DIAPH2: variants seen among roughly 807,000 people sequenced by gnomAD.
DIAPH2 encodes diaphanous related formin 2, also known as protein diaphanous homolog 2.
In DIAPH2, 35 loss-of-function variants were observed where a neutral mutation model predicts 92.7. The observed-to-expected ratio is 0.38, with a 90% CI of 0.29 to 0.50. The LOEUF is 0.50. Among genes scored for constraint, DIAPH2 ranks in the 20% least tolerant of loss-of-function variants. The pLI, the probability that DIAPH2 is intolerant of heterozygous loss-of-function variation, is 0.94. For synonymous variants in DIAPH2, 301 were observed against 280.4 expected, an observed-to-expected ratio of 1.07 and a Z score of -0.73; for missense variants, 701 against 819.5, an observed-to-expected ratio of 0.86 and a Z score of 1.77.
At chrX:97,302,211 CAAAAAAA>C (rs35039257) in intron 23 of DIAPH2, among the ~76,000 whole-genome samples, 3 of 26,699 alleles carry the variant, frequency 1.1e-4, no homozygotes, top group Admixed American at 7.0e-4. Context: ...GACTCCATCT[CAAAAAAA>C]AAAAAAAAAA....
intron 11 of DIAPH2, among the ~76,000 whole-genome samples, chrX:96,938,478 G>T (rs141999931): frequency 3.6e-5 from 4 of 111,682 alleles, no homozygotes; most frequent in African/African-American, 1.3e-4. Context: ...GACCTCATGA[G>T]ACTTTAGCAC....
At chrX:97,266,788 AAC>A (rs1264886004) in intron 23 of DIAPH2, among the ~76,000 whole-genome samples, 1 of 112,163 alleles carries the variant, frequency 8.9e-6, no homozygotes, top group Admixed American at 9.5e-5. Context: ...TTTTTTGACT[AAC>A]ACATGCTTTT....
chrX:97,009,829 T>C (rs1366101375), intron 17 of DIAPH2, among the ~76,000 whole-genome samples: 1 of 111,846 alleles, frequency 8.9e-6, no homozygotes, highest in Non-Finnish European at 1.9e-5. Flanking sequence ...TCCTCTTTAC[T>C]CTTCCCTTTC....
chrX:97,313,499 ATTC>A (rs374386846), intron 23 of DIAPH2, among the ~76,000 whole-genome samples: 124 of 112,206 alleles, frequency 1.1e-3, no homozygotes, highest in African/African-American at 3.6e-3. Flanking sequence ...ATTTTATTAT[ATTC>A]TTTCATGACT....
intron 17 of DIAPH2, among the ~76,000 whole-genome samples, chrX:97,061,835 A>AAT (rs2066601088): frequency 1.0e-5 from 1 of 95,403 alleles, no homozygotes; most frequent in African/African-American, 3.8e-5. Context: ...AAAAAAAAAA[A>AAT]CGCTCATTTT....
intron 4 of DIAPH2, among the ~76,000 whole-genome samples, chrX:96,878,031 A>G (rs373309657): frequency 1.9e-4 from 21 of 112,159 alleles, no homozygotes; most frequent in African/African-American, 6.8e-4. Flanking sequence ...AATTTCCATT[A>G]TTACCCATCC....
At chrX:96,712,016 A>G (rs1477019298) in intron 1 of DIAPH2, among the ~76,000 whole-genome samples, 6 of 111,577 alleles carry the variant, frequency 5.4e-5, no homozygotes, top group Non-Finnish European at 1.1e-4. Context: ...AGAATATTGA[A>G]CTGTACTAAA....
chrX:97,168,601 T>C (rs2067429443), intron 22 of DIAPH2, among the ~76,000 whole-genome samples: 1 of 111,901 alleles, frequency 8.9e-6, no homozygotes, highest in African/African-American at 3.3e-5. Flanking sequence ...CCTAGACTCT[T>C]AGAGCTTACA....
rs3138310 is a variant in DIAPH2, at chrX:96,882,414, A to G, written c.587+696A>G. Reference sequence around the variant, plus strand: ...ATGTTCTTCTATAAGTTTTAGATATACTCTTCACATATTTCTGTAATTTTG... The same window carrying G: ...ATGTTCTTCTATAAGTTTTAGATATGCTCTTCACATATTTCTGTAATTTTG... On this transcript the variant is annotated intron_variant, in intron 5 of 26. Transcript: ENST00000324765. Among the ~76,000 whole-genome samples, 106 of 111,042 alleles carry G rather than the reference A, an allele frequency of 9.5e-4. No homozygotes were observed. The South Asian group carries it at 0.039, about 41-fold the overall frequency.
intron 25 of DIAPH2, among the ~76,000 whole-genome samples, chrX:97,405,902 T>C (rs1602566844): frequency 9.0e-6 from 1 of 111,548 alleles, no homozygotes; most frequent in East Asian, 2.8e-4. Context: ...TAGTTGATCA[T>C]TTTCTGGCTG....
rs2070214502 is a variant in DIAPH2 at position 97,438,360 on chromosome X, T to G, written c.3241+8615T>G. Reference sequence around the variant, plus strand: ...CTTGTTTTTTTTTTTTGTTTGTTTGTTTTTTTTTTTTTTTTTTTTTTTTGA... The same window carrying G: ...CTTGTTTTTTTTTTTTGTTTGTTTGGTTTTTTTTTTTTTTTTTTTTTTTGA... On this transcript the variant is annotated intron_variant, in intron 26 of 26. Transcript: ENST00000324765. Among the ~76,000 whole-genome samples, 3 of 62,016 alleles carry G rather than the reference T, an allele frequency of 4.8e-5. No homozygotes were observed. In the South Asian group the frequency reaches 2.5e-3, roughly 52 times the overall value. The allele number at this position is 62,016 out of a possible 115,157, so 53.9% of individuals were successfully genotyped here. A position where few individuals can be genotyped will look rare whatever the true frequency, so the allele number is the denominator to read the frequency against.
chrX:96,862,166 G>A (rs962567569), intron 4 of DIAPH2, among the ~76,000 whole-genome samples: 8 of 111,724 alleles, frequency 7.2e-5, no homozygotes, highest in African/African-American at 2.0e-4. Flanking sequence ...TACCATATCC[G>A]TAGAGTTAGC....
intron 26 of DIAPH2, among the ~76,000 whole-genome samples, chrX:97,585,253 CT>C (rs5903087): frequency 0.42 from 38,901 of 91,973 alleles, 7,358 homozygotes; most frequent in Non-Finnish European, 0.53. Context: ...GCTCCACTGA[CT>C]TTTTTTTTTT....
chrX:97,345,036 G>A (rs1395183660), intron 23 of DIAPH2, among the ~76,000 whole-genome samples: 3 of 111,851 alleles, frequency 2.7e-5, no homozygotes, highest in Non-Finnish European at 5.6e-5. Flanking sequence ...TTCATTCTTT[G>A]CTAAAAAATG....
intron 23 of DIAPH2, among the ~76,000 whole-genome samples, chrX:97,324,854 G>A (rs1006924237): frequency 9.0e-6 from 1 of 110,742 alleles, no homozygotes; most frequent in East Asian, 2.8e-4. Flanking sequence ...AGGCTGGAGT[G>A]CAGTGGCATG....
chrX:96,815,576 G>T (rs1185483712), intron 4 of DIAPH2, among the ~76,000 whole-genome samples: 1 of 112,417 alleles, frequency 8.9e-6, no homozygotes, highest in South Asian at 3.7e-4. Context: ...AGGTACCTCA[G>T]TTAGAAATGC....
At position 97,469,977 on chromosome X, in the gene DIAPH2, A is replaced by T. The variant is rs190609113; in HGVS notation, c.3241+40232A>T. On this transcript the variant is annotated intron_variant, in intron 26 of 26. Coordinates refer to ENST00000324765, the MANE Select transcript of DIAPH2 (RefSeq NM_006729.5). ...AAATATAGACTTGGGAAGAAAACAGATATATAGTCTACAATGAATATTTCT... is the reference window on the plus strand; with the variant it reads ...AAATATAGACTTGGGAAGAAAACAGTTATATAGTCTACAATGAATATTTCT... The T allele has an allele frequency of 2.7e-4, 118 of 432,821 alleles. No homozygotes were observed. The African/African-American group carries it at 2.8e-3, about 10-fold the overall frequency. 35.7% of individuals were successfully genotyped at this position (432,821 alleles called of 1,213,427 possible).
At chrX:97,338,377 T>C (rs1389356545) in intron 23 of DIAPH2, among the ~76,000 whole-genome samples, 1 of 112,341 alleles carries the variant, frequency 8.9e-6, no homozygotes, top group Non-Finnish European at 1.9e-5. Flanking sequence ...TAAAGTACAT[T>C]TCTTTGAAAT....
chrX:97,293,497 C>T (rs1270607858), intron 23 of DIAPH2, among the ~76,000 whole-genome samples: 4 of 110,703 alleles, frequency 3.6e-5, no homozygotes, highest in Non-Finnish European at 7.6e-5. Flanking sequence ...GTAATCTGCC[C>T]ACCTTGGCCT....
Sources: gnomAD v4.1 joint callset for allele counts (sites outside exome capture counted in the v4.1 genomes callset) on GRCh38, gnomAD v4.1.1 for gene constraint, MANE v1.5 for transcripts, NCBI Gene and HGNC (gene_info 2026-07-23, HGNC 2026-07-21) for gene names.